Variants in SLC4A4 observed in about 807,000 individuals in gnomAD.
SLC4A4 encodes solute carrier family 4 member 4.
A neutral mutation model predicts 111.5 loss-of-function variants in SLC4A4; 27 were observed. The observed-to-expected ratio is 0.24, with a 90% confidence interval of 0.18 to 0.33. SLC4A4 has a LOEUF of 0.33. Among genes scored for constraint, SLC4A4 ranks in the 10% least tolerant of loss-of-function variants. SLC4A4 has a pLI of 1.00. For synonymous variants in SLC4A4, 443 were observed against 463.4 expected, an observed-to-expected ratio of 0.96 and a Z score of 0.57; for missense variants, 909 against 1,315.5, an observed-to-expected ratio of 0.69 and a Z score of 4.78.
chr4:71,255,501 AT>A, intron 3 of SLC4A4, 102 bp downstream of exon 3: 1 of 1,141,720 alleles, frequency 8.8e-7, no homozygotes, highest in Non-Finnish European at 1.3e-6. Flanking sequence ...GGACACTGTA[AT>A]ACTGAGATGT....
intron 12 of SLC4A4, among the ~76,000 whole-genome samples, chr4:71,459,133 G>A (rs1254798430): frequency 6.6e-6 from 1 of 151,960 alleles, no homozygotes; most frequent in Non-Finnish European, 1.5e-5. Flanking sequence ...TTTGATTGAG[G>A]TTAAGTAATG....
chr4:71,500,746 T>C (rs1029736409), intron 16 of SLC4A4, among the ~76,000 whole-genome samples: 6 of 152,242 alleles, frequency 3.9e-5, no homozygotes, highest in African/African-American at 1.4e-4. Flanking sequence ...CCATTGTGTG[T>C]TCTTGGCATC....
intron 1 of SLC4A4, among the ~76,000 whole-genome samples, chr4:71,088,638 G>A (rs935022320): frequency 1.3e-5 from 2 of 151,942 alleles, no homozygotes; most frequent in African/African-American, 4.8e-5. Context: ...TGTCTGTAAA[G>A]GATTTTATTT....
chr4:71,100,023 T>C (rs1742677533), intron 2 of SLC4A4, among the ~76,000 whole-genome samples: 1 of 152,120 alleles, frequency 6.6e-6, no homozygotes, highest in African/African-American at 2.4e-5. Context: ...CTACCAGGTA[T>C]ACAAAGAAGG....
At chr4:71,308,232 C>T (rs941267111) in intron 3 of SLC4A4, among the ~76,000 whole-genome samples, 3 of 152,140 alleles carry the variant, frequency 2.0e-5, no homozygotes, top group African/African-American at 7.2e-5. Context: ...TAGACCCTAA[C>T]ACAGTGCCTA....
At chr4:71,339,144 G>C (rs1728678907) in intron 3 of SLC4A4, 1 of 1,612,298 alleles carries the variant, frequency 6.2e-7, no homozygotes, top group South Asian at 1.1e-5. Context: ...TGTCCTTCTG[G>C]AGAGTGGTGG....
At chr4:71,324,096 A>G (rs1727322562) in intron 3 of SLC4A4, among the ~76,000 whole-genome samples, 2 of 151,926 alleles carry the variant, frequency 1.3e-5, no homozygotes, top group African/African-American at 4.8e-5. Flanking sequence ...ATGTTAATTT[A>G]TTAGGGGGAA....
intron 16 of SLC4A4, among the ~76,000 whole-genome samples, chr4:71,522,307 G>A (rs2045049): frequency 0.59 from 90,267 of 152,054 alleles, 29,302 homozygotes; most frequent in Non-Finnish European, 0.74. Flanking sequence ...TCTGTGGCAG[G>A]TGGCTCAGGG....
intron 18 of SLC4A4, among the ~76,000 whole-genome samples, chr4:71,538,253 G>A (rs77059282): frequency 1.6e-3 from 242 of 152,052 alleles, no homozygotes; most frequent in Admixed American, 3.2e-3. Context: ...TTAGAATTTC[G>A]GAAGTTTAGG....
chr4:71,144,332 T>C (rs943756829), intron 2 of SLC4A4, among the ~76,000 whole-genome samples: 41 of 152,278 alleles, frequency 2.7e-4, no homozygotes, highest in African/African-American at 7.7e-4. Flanking sequence ...CAGTACCATT[T>C]TGTTTTGGTT....
chr4:71,180,875 C>G (rs1474447763), intron 2 of SLC4A4, among the ~76,000 whole-genome samples: 1 of 152,022 alleles, frequency 6.6e-6, no homozygotes, highest in African/African-American at 2.4e-5. Flanking sequence ...GCTATATACC[C>G]AAGGATTATA....
intron 2 of SLC4A4, among the ~76,000 whole-genome samples, chr4:71,139,333 T>C (rs1046759974): frequency 6.6e-6 from 1 of 152,046 alleles, no homozygotes; most frequent in Non-Finnish European, 1.5e-5. Flanking sequence ...TCTTCCTGCT[T>C]ATTGCTGTCC....
intron 1 of SLC4A4, among the ~76,000 whole-genome samples, chr4:71,084,907 TG>T (rs1342621824): frequency 2.6e-5 from 4 of 152,086 alleles, no homozygotes; most frequent in Admixed American, 6.5e-5. Flanking sequence ...TATAATCCTT[TG>T]GGTATATACC....
At chr4:71,403,537 G>A (rs965404667) in intron 7 of SLC4A4, among the ~76,000 whole-genome samples, 16 of 152,154 alleles carry the variant, frequency 1.1e-4, no homozygotes, top group Admixed American at 7.2e-4. Context: ...AGGTAAGAGG[G>A]TTAGCCAGTA....
chr4:71,480,496 C>T (rs1329598212), intron 14 of SLC4A4, among the ~76,000 whole-genome samples: 1 of 151,686 alleles, frequency 6.6e-6, no homozygotes, highest in East Asian at 1.9e-4. Flanking sequence ...CCTCAAAAGC[C>T]ATTTTTACCC....
chr4:71,534,151 T>G, intron 17 of SLC4A4, 76 bp from the exon 18 acceptor site: 1 of 1,213,328 alleles, frequency 8.2e-7, no homozygotes. Context: ...AAAGCATGTC[T>G]TCCCGTTGGT....
At chr4:71,285,680 A>G (rs1010404073) in intron 3 of SLC4A4, among the ~76,000 whole-genome samples, 2 of 152,174 alleles carry the variant, frequency 1.3e-5, no homozygotes, top group Admixed American at 1.3e-4. Flanking sequence ...AACAATTCTC[A>G]TATTACTCTA....
At chr4:71,088,456 G>C (rs1578466940) in intron 1 of SLC4A4, among the ~76,000 whole-genome samples, 1 of 152,010 alleles carries the variant, frequency 6.6e-6, no homozygotes, top group South Asian at 2.1e-4. Flanking sequence ...CATGATGTTA[G>C]CTGGTTATTT....
Position 71,539,623 on chromosome 4 carries a change from T to C in SLC4A4, c.2442+5235T>C, listed in dbSNP as rs141623288. Among the ~76,000 whole-genome samples the C allele has an allele frequency of 6.5e-3, 986 of 152,280 alleles. 6 individuals carry two copies. The highest frequency in any genetic ancestry group is 0.01 in the Non-Finnish European group (693 of 68,010). On this transcript the variant is annotated intron_variant, in intron 18 of 25. Transcript: ENST00000264485. ...AAATACAAAAACTTCTCAGTGTAGC[T>C]TTCACCTTTAATGTAATTTATATTT...
Sources: allele counts gnomAD v4.1 joint callset (sites outside exome capture counted in the v4.1 genomes callset), GRCh38; gene constraint gnomAD v4.1.1; transcripts MANE v1.5; gene names NCBI Gene and HGNC (gene_info 2026-07-23, HGNC 2026-07-21).